Variants in CLTRN observed in about 807,000 individuals in gnomAD.
The protein encoded by CLTRN is collectrin, amino acid transport regulator.
Under a neutral mutation model 14.5 loss-of-function variants are expected in CLTRN, and 12 were observed. That is an observed-to-expected ratio of 0.83 (90% CI 0.53 to 1.34). CLTRN has a LOEUF of 1.34. CLTRN is among the 40% of genes most tolerant of loss of function. CLTRN has a pLI of 0.00. For missense variants in CLTRN, 154 were observed against 165.1 expected (o/e 0.93, Z 0.37); for synonymous variants, 58 against 56.5 (o/e 1.03, Z -0.12).
At chrX:15,655,139 A>G (rs1266665519) in intron 3 of CLTRN, among the ~76,000 whole-genome samples, 1 of 111,308 alleles carries the variant, frequency 9.0e-6, no homozygotes, top group Non-Finnish European at 1.9e-5. Flanking sequence ...GGCTCCAGCC[A>G]TTTCCTCCGG....
intron 4 of CLTRN, among the ~76,000 whole-genome samples, chrX:15,641,636 C>CTGTGTGTGTGTGTGTG (rs56407617): frequency 3.4e-5 from 3 of 88,492 alleles, no homozygotes; most frequent in African/African-American, 1.3e-4. Flanking sequence ...CCACACCTGG[C>CTGTGTGTGTGTGTGTG]TGTGTGTGTG....
At chrX:15,644,844 T>C in intron 4 of CLTRN, 72 bp downstream of exon 4, 1 of 639,788 alleles carries the variant, frequency 1.6e-6, no homozygotes, top group Admixed American at 3.2e-5. Flanking sequence ...CTCTTCAATA[T>C]CTATTTTTAA....
At chrX:15,630,920 C>T (rs149000434) in intron 5 of CLTRN, among the ~76,000 whole-genome samples, 5 of 112,002 alleles carry the variant, frequency 4.5e-5, no homozygotes, top group Admixed American at 3.8e-4. Context: ...TCACTTTCCA[C>T]GTCCTCCAGA....
intron 5 of CLTRN, among the ~76,000 whole-genome samples, chrX:15,631,907 C>T (rs1200794083): frequency 2.7e-5 from 3 of 112,200 alleles, no homozygotes; most frequent in Non-Finnish European, 5.6e-5. Flanking sequence ...CTGTGCATTG[C>T]TTTTACTAAG....
intron 3 of CLTRN, chrX:15,646,863 G>A (rs1929091758): frequency 3.3e-6 from 1 of 303,987 alleles, no homozygotes; most frequent in Non-Finnish European, 6.4e-6. Flanking sequence ...GAGGGAGCCC[G>A]ATGCCCAGGC....
intron 3 of CLTRN, among the ~76,000 whole-genome samples, chrX:15,654,067 C>G (rs2147208799): frequency 8.9e-6 from 1 of 112,315 alleles, no homozygotes; most frequent in Non-Finnish European, 1.9e-5. Flanking sequence ...TGGCGCCAGA[C>G]AGGGCCAACT....
chrX:15,646,463 C>CT, intron 3 of CLTRN: 1 of 186,395 alleles, frequency 5.4e-6, no homozygotes, highest in Non-Finnish European at 9.6e-6. Flanking sequence ...CGCGCACCCA[C>CT]CCCCCCGCCC....
At chrX:15,642,328 C>T (rs540425760) in intron 4 of CLTRN, among the ~76,000 whole-genome samples, 21 of 112,185 alleles carry the variant, frequency 1.9e-4, no homozygotes, top group African/African-American at 6.5e-4. Context: ...AATTAGGCCA[C>T]GCCCTCACAA....
chrX:15,641,636 C>CTCTGTGTG (rs776589117), intron 4 of CLTRN, among the ~76,000 whole-genome samples: 20 of 88,492 alleles, frequency 2.3e-4, no homozygotes, highest in African/African-American at 8.3e-4. Flanking sequence ...CCACACCTGG[C>CTCTGTGTG]TGTGTGTGTG....
chrX:15,641,532 G>A (rs1169888476), intron 4 of CLTRN, among the ~76,000 whole-genome samples: 1 of 110,632 alleles, frequency 9.0e-6, no homozygotes, highest in Non-Finnish European at 1.9e-5. Flanking sequence ...TTTGAGACAG[G>A]AACGATCATG....
intron 1 of CLTRN, among the ~76,000 whole-genome samples, chrX:15,670,304 A>G (rs1283280457): frequency 3.4e-5 from 2 of 59,140 alleles, no homozygotes; most frequent in Non-Finnish European, 5.9e-5. Flanking sequence ...AAAACCAAAA[A>G]CAAAACACAC....
At chrX:15,648,189 T>C (rs142828634) in intron 3 of CLTRN, among the ~76,000 whole-genome samples, 2,198 of 110,322 alleles carry the variant, frequency 0.02, 51 homozygotes, top group African/African-American at 0.069. Flanking sequence ...TAGCAGAGAA[T>C]TGGAACAACC....
chrX:15,636,566 TAAC>T (rs1174893343), intron 5 of CLTRN, among the ~76,000 whole-genome samples: 3 of 112,063 alleles, frequency 2.7e-5, no homozygotes, highest in South Asian at 7.4e-4. Context: ...TTTTATTTGT[TAAC>T]AACACCTTAA....
At chrX:15,657,597 G>A (rs1929403440) in intron 3 of CLTRN, among the ~76,000 whole-genome samples, 1 of 107,522 alleles carries the variant, frequency 9.3e-6, no homozygotes, top group African/African-American at 3.4e-5. Flanking sequence ...ATATTTAAGA[G>A]GTTACCATTG....
chrX:15,670,792 A>C (rs1339661275), intron 1 of CLTRN, among the ~76,000 whole-genome samples: 1 of 109,908 alleles, frequency 9.1e-6, no homozygotes, highest in Non-Finnish European at 1.9e-5. Flanking sequence ...AAACTTTAAA[A>C]ATGTCATTTA....
chrX:15,645,586 G>A (rs189971111), intron 3 of CLTRN, among the ~76,000 whole-genome samples: 212 of 111,989 alleles, frequency 1.9e-3, no homozygotes, highest in African/African-American at 6.3e-3. Flanking sequence ...CTTTTACATC[G>A]CCTTGAACAA....
chrX:15,673,471 T>C (rs771975092), intron 1 of CLTRN, among the ~76,000 whole-genome samples: 19 of 112,641 alleles, frequency 1.7e-4, no homozygotes, highest in Non-Finnish European at 2.8e-4. Flanking sequence ...AATAATGCTA[T>C]AAAAATCAAT....
In CLTRN at chrX:15,673,137, T is replaced by C. The variant is rs1256804761; in HGVS notation, c.-506+1852A>G. On this transcript the variant is annotated intron_variant, in intron 1 of 6. Transcript: ENST00000650271. ...CATGATGAGGAACTGGGATTTGCCT[T>C]GGGGCTAAAAATTATTTTTAAAAAA... Among the ~76,000 whole-genome samples the C allele has an allele frequency of 3.6e-5, 4 of 112,636 alleles. No individual in the cohort carries two copies. In the East Asian group the frequency reaches 8.3e-4, roughly 23 times the overall value.
chrX:15,643,861 T>C (rs1357972914), intron 4 of CLTRN, among the ~76,000 whole-genome samples: 1 of 112,490 alleles, frequency 8.9e-6, no homozygotes, highest in African/African-American at 3.2e-5. Flanking sequence ...TATTTATCCT[T>C]GGTAAAAAGA....
Sources: gnomAD v4.1 joint callset for allele counts (sites outside exome capture counted in the v4.1 genomes callset) on GRCh38, gnomAD v4.1.1 for gene constraint, MANE v1.5 for transcripts, NCBI Gene and HGNC (gene_info 2026-07-23, HGNC 2026-07-21) for gene names.